PDE4D: variants seen among roughly 807,000 people sequenced by gnomAD.
PDE4D encodes the protein phosphodiesterase 4D, also known as 3',5'-cyclic-AMP phosphodiesterase 4D.
PDE4D carries 24 observed loss-of-function variants against 87.4 expected under a neutral mutation model. That is an observed-to-expected ratio of 0.27 (90% CI 0.20 to 0.39). The LOEUF is 0.39. Ranked by LOEUF, PDE4D falls within the 10% of genes least tolerant of loss-of-function variation. The pLI is 1.00. For synonymous variants in PDE4D, 384 were observed against 383.2 expected, an observed-to-expected ratio of 1.00 and a Z score of -0.02; for missense variants, 714 against 1,041.0, an observed-to-expected ratio of 0.69 and a Z score of 4.32.
At chr5:59,579,366 T>C (rs1002907649) in intron 1 of PDE4D, among the ~76,000 whole-genome samples, 1 of 152,136 alleles carries the variant, frequency 6.6e-6, no homozygotes, top group African/African-American at 2.4e-5. Context: ...TCACTAACCA[T>C]GACATTTTTC....
intron 1 of PDE4D, among the ~76,000 whole-genome samples, chr5:60,199,582 T>C (rs1434604241): frequency 2.6e-5 from 4 of 151,766 alleles, no homozygotes; most frequent in Non-Finnish European, 5.9e-5. Context: ...TAGTTCAATT[T>C]TTCAGAAGGA....
At chr5:59,395,196 CAGCCGGGA>C (rs1383176717) in intron 1 of PDE4D, among the ~76,000 whole-genome samples, 2 of 152,066 alleles carry the variant, frequency 1.3e-5, no homozygotes, top group Admixed American at 6.5e-5. Flanking sequence ...GTAAACAAAG[CAGCCGGGA>C]AGCTCCAACT....
chr5:59,377,480 T>C (rs772142397), intron 1 of PDE4D, among the ~76,000 whole-genome samples: 5 of 149,584 alleles, frequency 3.3e-5, no homozygotes, highest in Admixed American at 2.0e-4. Context: ...AAGGCAAAAA[T>C]TGACAAATGA....
At chr5:60,181,615 C>T (rs1385678900) in intron 2 of PDE4D, among the ~76,000 whole-genome samples, 4 of 152,178 alleles carry the variant, frequency 2.6e-5, no homozygotes, top group Non-Finnish European at 5.9e-5. Flanking sequence ...AGGGCAATTT[C>T]ATCAAGAAAA....
chr5:59,400,082 A>G (rs1212058297), intron 1 of PDE4D, among the ~76,000 whole-genome samples: 1 of 114,708 alleles, frequency 8.7e-6, no homozygotes, highest in Non-Finnish European at 1.8e-5. Flanking sequence ...GTCAGGAAAC[A>G]ACAGGTGCTG....
At chr5:59,587,704 C>T (rs1366858094) in intron 1 of PDE4D, 2 of 772,132 alleles carry the variant, frequency 2.6e-6, no homozygotes, top group Non-Finnish European at 3.1e-6. Context: ...TAGGTGGGTT[C>T]CCAGACATTG....
At chr5:58,986,117 A>G (rs1212956158) in intron 11 of PDE4D, among the ~76,000 whole-genome samples, 1 of 152,250 alleles carries the variant, frequency 6.6e-6, no homozygotes, top group Non-Finnish European at 1.5e-5. Flanking sequence ...TCACACAGAA[A>G]GGAGATCATT....
At chr5:59,146,490 A>C (rs189544537) in intron 5 of PDE4D, among the ~76,000 whole-genome samples, 11 of 152,336 alleles carry the variant, frequency 7.2e-5, no homozygotes, top group African/African-American at 2.6e-4. Context: ...GAAGTGCCAC[A>C]TTCTCAAAGC....
intron 2 of PDE4D, among the ~76,000 whole-genome samples, chr5:60,118,692 C>G (rs1203623458): frequency 6.6e-6 from 1 of 151,826 alleles, no homozygotes; most frequent in Admixed American, 6.6e-5. Flanking sequence ...AACTATCCTA[C>G]TTTTGACCAT....
intron 1 of PDE4D, among the ~76,000 whole-genome samples, chr5:60,500,133 C>A (rs1032049609): frequency 1.3e-5 from 2 of 151,560 alleles, no homozygotes; most frequent in East Asian, 1.9e-4. Context: ...TAGTGAGACA[C>A]CATCTCTAGA....
chr5:59,468,141 T>C (rs2153650055), intron 1 of PDE4D, among the ~76,000 whole-genome samples: 1 of 152,286 alleles, frequency 6.6e-6, no homozygotes, highest in South Asian at 2.1e-4. Context: ...ATCTAACCAA[T>C]AAGCAGGTGT....
chr5:59,462,077 A>G (rs1386217058), intron 1 of PDE4D, among the ~76,000 whole-genome samples: 1 of 152,162 alleles, frequency 6.6e-6, no homozygotes, highest in Non-Finnish European at 1.5e-5. Context: ...AACATAAGAC[A>G]ATATTCATCA....
At chr5:58,977,101 C>T in intron 12 of PDE4D, 90 bp downstream of exon 12, 1 of 1,184,840 alleles carries the variant, frequency 8.4e-7, no homozygotes. Context: ...AAATGCAGTT[C>T]CTTTTACCTA....
chr5:59,322,291 G>A (rs986808554), intron 1 of PDE4D, among the ~76,000 whole-genome samples: 3 of 152,098 alleles, frequency 2.0e-5, no homozygotes, highest in Non-Finnish European at 4.4e-5. Flanking sequence ...GCTGGTGATT[G>A]AGGGAACATA....
chr5:60,051,525 C>T (rs186783249), intron 2 of PDE4D, among the ~76,000 whole-genome samples: 11 of 152,252 alleles, frequency 7.2e-5, no homozygotes, highest in Admixed American at 5.2e-4. Context: ...ATCTCTAGGA[C>T]ACAGCTAAAG....
At chr5:60,281,513 C>T (rs937884527) in intron 1 of PDE4D, among the ~76,000 whole-genome samples, 7 of 152,122 alleles carry the variant, frequency 4.6e-5, no homozygotes, top group African/African-American at 1.2e-4. Flanking sequence ...ATACCAACTA[C>T]GATGGCTGAA....
intron 5 of PDE4D, among the ~76,000 whole-genome samples, chr5:59,162,626 C>A (rs999152514): frequency 6.6e-6 from 1 of 151,446 alleles, no homozygotes; most frequent in South Asian, 2.1e-4. Flanking sequence ...ATCACTTGAG[C>A]CCAGGAGTGC....
chr5:59,591,351 A>T (rs1413708165), intron 1 of PDE4D, among the ~76,000 whole-genome samples: 1 of 152,148 alleles, frequency 6.6e-6, no homozygotes, highest in Non-Finnish European at 1.5e-5. Flanking sequence ...ATAGTATAAT[A>T]AAGTCACACC....
chr5:59,348,085 C>A (rs911990867), intron 1 of PDE4D, among the ~76,000 whole-genome samples: 2 of 151,964 alleles, frequency 1.3e-5, no homozygotes, highest in African/African-American at 4.8e-5. Flanking sequence ...CCATTTTGTC[C>A]CTCACTACAT....
Sources: gnomAD v4.1 joint callset for allele counts (sites outside exome capture counted in the v4.1 genomes callset) on GRCh38, gnomAD v4.1.1 for gene constraint, MANE v1.5 for transcripts, NCBI Gene and HGNC (gene_info 2026-07-23, HGNC 2026-07-21) for gene names.